STAM2: variants seen among roughly 807,000 people sequenced by gnomAD.
STAM2 encodes signal transducing adaptor molecule 2.
A neutral mutation model predicts 65.6 loss-of-function variants in STAM2; 51 were observed. The observed-to-expected ratio is 0.78, with a 90% confidence interval of 0.62 to 0.98. The LOEUF (loss-of-function observed/expected upper bound fraction) is 0.98, where lower values mean the gene tolerates loss of function less well. Ranked by LOEUF, STAM2 falls within the 50% of genes least tolerant of loss-of-function variation. STAM2 has a pLI of 0.00. For synonymous variants in STAM2, 198 were observed against 208.4 expected, an observed-to-expected ratio of 0.95 and a Z score of 0.43; for missense variants, 584 against 617.8, an observed-to-expected ratio of 0.95 and a Z score of 0.58.
intron 1 of STAM2, among the ~76,000 whole-genome samples, chr2:152,151,038 T>C (rs1689434940): frequency 6.6e-6 from 1 of 151,914 alleles, no homozygotes; most frequent in African/African-American, 2.4e-5. Context: ...GATTAATAAA[T>C]TCATACAACG....
chr2:152,154,428 C>A (rs1285306105), intron 1 of STAM2, among the ~76,000 whole-genome samples: 1 of 152,150 alleles, frequency 6.6e-6, no homozygotes, highest in African/African-American at 2.4e-5. Context: ...CCAGCCTGGG[C>A]AACATGGTAA....
chr2:152,172,246 T>C (rs1408651503), intron 1 of STAM2, among the ~76,000 whole-genome samples: 1 of 152,144 alleles, frequency 6.6e-6, no homozygotes, highest in Admixed American at 6.6e-5. Context: ...ATCTAGTATA[T>C]CCTTCAGGGC....
chr2:152,159,708 GCTCCCTCTCCCTCTCCCTCTCCCCACAGT>G (rs1184790928), intron 1 of STAM2, among the ~76,000 whole-genome samples: 8 of 152,074 alleles, frequency 5.3e-5, no homozygotes, highest in South Asian at 2.1e-4. Flanking sequence ...GAACAGGATT[GCTCCCTCTCCCTCTCCCTCTCCCCACAGT>G]CTCCCTCTCC....
At chr2:152,174,864 C>T (rs1415144767) in intron 1 of STAM2, among the ~76,000 whole-genome samples, 1 of 152,152 alleles carries the variant, frequency 6.6e-6, no homozygotes, top group East Asian at 1.9e-4. Flanking sequence ...CTCAAATTTC[C>T]TAAATAATTT....
chr2:152,142,578 A>C (rs1689267513), intron 7 of STAM2, among the ~76,000 whole-genome samples: 1 of 152,200 alleles, frequency 6.6e-6, no homozygotes, highest in East Asian at 1.9e-4. Context: ...ACACACTCAG[A>C]TACCCATAAA....
chr2:152,167,663 G>A (rs1176755877), intron 1 of STAM2, among the ~76,000 whole-genome samples: 2 of 152,122 alleles, frequency 1.3e-5, no homozygotes, highest in Non-Finnish European at 2.9e-5. Context: ...GGGAGGCCGA[G>A]GCAGGTGAAT....
At chr2:152,172,268 G>A (rs1689909762) in intron 1 of STAM2, among the ~76,000 whole-genome samples, 1 of 152,136 alleles carries the variant, frequency 6.6e-6, no homozygotes, top group Admixed American at 6.5e-5. Context: ...TGTAGGTTCT[G>A]ATGCCAAGAA....
In STAM2 at chr2:152,174,155, A is replaced by ATC. The variant is rs1560228007; in HGVS notation, c.40+1447_40+1448insGA. ...TTGTACCAGAGAATTTTTCCATCAG[A>ATC]AAACAATGAACTTTCAAGAAAAATT... is the stretch of plus-strand genomic sequence containing the variant. On this transcript the variant is annotated intron_variant, in intron 1 of 13. Transcript: ENST00000263904. Among the ~76,000 whole-genome samples, 26 of 152,364 alleles carry ATC rather than the reference A, an allele frequency of 1.7e-4. No individual in the cohort carries two copies. The South Asian group carries it at 2.9e-3, about 17-fold the overall frequency.
chr2:152,163,074 A>T (rs372421118), intron 1 of STAM2, among the ~76,000 whole-genome samples: 1 of 152,182 alleles, frequency 6.6e-6, no homozygotes, highest in East Asian at 1.9e-4. Flanking sequence ...CACTATATTA[A>T]ACTGCCTCTT....
At chr2:152,146,826 G>C (rs1329501803) in intron 5 of STAM2, among the ~76,000 whole-genome samples, 2 of 152,040 alleles carry the variant, frequency 1.3e-5, no homozygotes, top group African/African-American at 4.8e-5. Flanking sequence ...ATCTAAATTA[G>C]TTATTTTTCA....
chr2:152,121,454 A>G (rs941351146), intron 13 of STAM2, among the ~76,000 whole-genome samples: 2 of 152,176 alleles, frequency 1.3e-5, no homozygotes, highest in African/African-American at 4.8e-5. Flanking sequence ...TGCAATGAGA[A>G]TGGAGCCCTG....
chr2:152,147,329 A>G, intron 4 of STAM2, 21 bp from the exon 5 acceptor site: 1 of 1,517,372 alleles, frequency 6.6e-7, no homozygotes, highest in Non-Finnish European at 8.8e-7. Flanking sequence ...AAAGGAAAGG[A>G]AAATAAACAA....
At chr2:152,141,793 A>G (rs571548180) in intron 7 of STAM2, among the ~76,000 whole-genome samples, 3 of 151,756 alleles carry the variant, frequency 2.0e-5, no homozygotes, top group African/African-American at 7.2e-5. Flanking sequence ...GTTTCACCAT[A>G]TTGACCAGGG....
intron 12 of STAM2, 73 bp from the exon 13 acceptor site, chr2:152,124,008 A>AC (rs2105527638): frequency 7.9e-7 from 1 of 1,259,998 alleles, no homozygotes; most frequent in East Asian, 2.4e-5. Context: ...TAAAATGTTA[A>AC]AAGACTTAAA....
intron 1 of STAM2, among the ~76,000 whole-genome samples, chr2:152,162,476 A>G (rs1457189862): frequency 2.6e-5 from 4 of 152,212 alleles, no homozygotes; most frequent in Admixed American, 2.6e-4. Flanking sequence ...GGTACTCAGA[A>G]GGCTGAGGCA....
intron 1 of STAM2, among the ~76,000 whole-genome samples, chr2:152,151,804 A>G (rs1689451214): frequency 6.6e-6 from 1 of 152,172 alleles, no homozygotes; most frequent in South Asian, 2.1e-4. Flanking sequence ...TATTTGGCAT[A>G]ATGTTTGCAA....
intron 11 of STAM2, among the ~76,000 whole-genome samples, chr2:152,130,376 C>T (rs1026933621): frequency 1.3e-5 from 2 of 151,924 alleles, no homozygotes; most frequent in African/African-American, 2.4e-5. Flanking sequence ...CTCAGCCTCC[C>T]GAGTAGCTGG....
At chr2:152,134,064 TTACAAA>T (rs1354763966) in intron 8 of STAM2, among the ~76,000 whole-genome samples, 2 of 151,868 alleles carry the variant, frequency 1.3e-5, no homozygotes, top group African/African-American at 4.8e-5. Flanking sequence ...GAAAAAAAAC[TTACAAA>T]TACATAAACC....
At chr2:152,126,020 A>C (rs1688958499) in intron 12 of STAM2, 1 of 416,908 alleles carries the variant, frequency 2.4e-6, no homozygotes, top group Non-Finnish European at 4.1e-6. Flanking sequence ...AAACTGAACT[A>C]AAATGTATTT....
Sources: gnomAD v4.1 joint callset for allele counts (sites outside exome capture counted in the v4.1 genomes callset) on GRCh38, gnomAD v4.1.1 for gene constraint, MANE v1.5 for transcripts, NCBI Gene and HGNC (gene_info 2026-07-23, HGNC 2026-07-21) for gene names.